The following ACR variants were observed in gnomAD, a reference collection of about 807,000 sequenced individuals.
The protein encoded by ACR is acrosin light and heavy chain prepropeptide.
Under a neutral mutation model 26.0 loss-of-function variants are expected in ACR, and 17 were observed. The ratio of observed to expected loss-of-function variants is 0.65; its 90% CI spans 0.45 to 0.98. The LOEUF (loss-of-function observed/expected upper bound fraction) is 0.98. ACR is among the 50% of genes least tolerant of loss of function. The pLI, the probability that ACR is intolerant of heterozygous loss-of-function variation, is 0.00. For missense variants in ACR, 435 were observed against 519.3 expected (o/e 0.84, Z 1.58); for synonymous variants, 199 against 207.7 (o/e 0.96, Z 0.36).
intron 3 of ACR, chr22:50,740,521 C>A: frequency 1.4e-6 from 1 of 692,678 alleles, no homozygotes. Flanking sequence ...ACCAAATCTA[C>A]CCTCTCCATC....
At chr22:50,744,031 A>G in intron 3 of ACR, 30 bp from the exon 4 acceptor site, 1 of 1,498,800 alleles carries the variant, frequency 6.7e-7, no homozygotes, top group Non-Finnish European at 9.3e-7. Context: ...GTCTCCCGTG[A>G]TCACTGACCA....
rs1422193254 is a variant in ACR, at chr22:50,745,105, A to G, written c.1164A>G (p.Leu388=). 9.3e-6 allele frequency: 7 copies of G among 756,742 alleles called. No individual in the cohort carries two copies. The South Asian group carries it at 1.1e-4, about 12-fold the overall frequency. The allele number at this position is 756,742 out of a possible 1,614,324, so 46.9% of individuals were successfully genotyped here. ...AAGGACTTTCTTTTGCCAAGCGCCTACAGCAGCTCATAGAGGTCTTGAAGG... is the reference window on the plus strand; with the variant it reads ...AAGGACTTTCTTTTGCCAAGCGCCTGCAGCAGCTCATAGAGGTCTTGAAGG... ...LPQGLSFAKR[L]QQLIEVLKGK... is the part of the protein sequence containing the mutation. Residue 388 remains leucine, a synonymous_variant, in exon 5 of 5, where the codon CTA becomes CTG. Transcript: ENST00000216139.
At chr22:50,738,762 G>C (rs1002439534) in intron 1 of ACR, among the ~76,000 whole-genome samples, 14 of 151,772 alleles carry the variant, frequency 9.2e-5, no homozygotes, top group Non-Finnish European at 1.5e-5. Context: ...ACAGTTCCCA[G>C]AGCCTCCACC....
At chr22:50,740,360 G>C (rs1392665100) in intron 3 of ACR, 2 of 580,694 alleles carry the variant, frequency 3.4e-6, no homozygotes, top group Non-Finnish European at 6.1e-6. Flanking sequence ...TCCACTCTCT[G>C]GGCCTTGGTT....
intron 3 of ACR, among the ~76,000 whole-genome samples, chr22:50,741,152 C>T (rs1474225907): frequency 1.3e-5 from 2 of 152,060 alleles, no homozygotes; most frequent in Admixed American, 6.5e-5. Context: ...TTTTGGGTAA[C>T]AACAACAAAA....
At position 50,739,912 on chromosome 22, in the gene ACR, A is replaced by G. The variant is rs1325052621; in HGVS notation, c.500A>G (p.Lys167Arg). 6.2e-7 allele frequency: 1 copy of G among 1,613,794 alleles called. No individual in the cohort carries two copies. Among genetic ancestry groups the G allele is most frequent in the Non-Finnish European group, 8.5e-7 (1 of 1,179,980 alleles). Reference protein sequence around the residue: ...FIGPGCLPHFKAGLPRGSQSC... With the variant: ...FIGPGCLPHFRAGLPRGSQSC... ...GGGCCGGGCTGCCTGCCCCACTTTAAGGCAGGCCTCCCCAGAGGCTCCCAG... is the reference window on the plus strand; with the variant it reads ...GGGCCGGGCTGCCTGCCCCACTTTAGGGCAGGCCTCCCCAGAGGCTCCCAG... Residue 167 changes from lysine (K) to arginine (R), a missense_variant, in exon 3 of 5, where the codon AAG becomes AGG. Lys to Arg is a conservative substitution (Grantham distance 26). Transcript: ENST00000216139. This position sits in a 1 kb window ranked among gnomAD's most constrained non-coding sequence, Gnocchi z 5.5.
rs1052218438 is a variant in ACR, at chr22:50,739,115, G to C, written c.78-156G>C. On this transcript the variant is annotated intron_variant, in intron 1 of 4. Coordinates refer to ENST00000216139, the MANE Select transcript of ACR (RefSeq NM_001097.3). The surrounding 1 kb of genome is among the most constrained non-coding windows in gnomAD (Gnocchi z 5.5). ...CCAGAACCATTTCCTAGAGCCTGCG[G>C]CTTCCTACATAGCGCAGGCTGCCCC... Among the ~76,000 whole-genome samples, 1 of 152,166 alleles carries C rather than the reference G, an allele frequency of 6.6e-6. No individual in the cohort carries two copies. The highest frequency in any genetic ancestry group is 1.5e-5 in the Non-Finnish European group (1 of 68,032).
rs769015823 is a variant in ACR, at chr22:50,739,397, C to A, written c.204C>A (p.His68Gln). The change falls in exon 2 of 5, where the codon CAC becomes CAA. Residue 68 changes from histidine to glutamine, a missense_variant. Coordinates refer to ENST00000216139, the MANE Select transcript of ACR (RefSeq NM_001097.3). This position sits in a 1 kb window ranked among gnomAD's most constrained non-coding sequence, Gnocchi z 5.5. The stretch of plus-strand genomic sequence containing the variant: ...TCCAGATCTTCACGTACAACAGCCA[C>A]AGGTACCACACATGTGGAGGCAGCT... ...VSLQIFTYNS[H>Q]RYHTCGGSLL... The A allele has an allele frequency of 6.2e-7, 1 of 1,614,210 alleles. No individual in the cohort carries two copies. Among genetic ancestry groups the A allele is most frequent in the Non-Finnish European group, 8.5e-7 (1 of 1,180,036 alleles).
chr22:50,744,897 C>T lies in ACR; in HGVS notation c.956C>T (p.Pro319Leu), dbSNP rs752661510. The T allele has an allele frequency of 5.6e-6, 9 of 1,595,108 alleles. No homozygotes were observed. The South Asian group carries it at 7.8e-5, about 14-fold the overall frequency. ...PPPIRPPFSH[P>L]ISAHLPWYFQ... ...CCGATTCGACCCCCCTTCTCCCACC[C>T]TATCTCTGCTCACCTTCCTTGGTAT... Residue 319 changes from proline to leucine, a missense_variant, in exon 5 of 5, where the codon CCT becomes CTT. Coordinates refer to ENST00000216139, the MANE Select transcript of ACR (RefSeq NM_001097.3).
Position 50,739,548 on chromosome 22 carries a change from G to A in ACR, c.281+74G>A, listed in dbSNP as rs2083414824. On this transcript the variant is annotated intron_variant, in intron 2 of 4. Transcript: ENST00000216139. This position sits in a 1 kb window ranked among gnomAD's most constrained non-coding sequence, Gnocchi z 5.5. ...GAGAGGGGCGTTCCCCGGGGATGCT[G>A]TGCAGCGTCTCCCTGGGGCTCTGGG... 3 of 1,592,032 alleles carry A rather than the reference G, an allele frequency of 1.9e-6. No individual in the cohort carries two copies. In the South Asian group the frequency reaches 3.4e-5, roughly 18 times the overall value.
chr22:50,739,145 T>G lies in ACR; in HGVS notation c.78-126T>G, dbSNP rs2083412165. 8.3e-6 allele frequency: 7 copies of G among 846,548 alleles called. No homozygotes were observed. The highest frequency in any genetic ancestry group is 1.1e-5 in the Non-Finnish European group (6 of 537,478). The allele number at this position is 846,548 out of a possible 1,614,324, so 52.4% of individuals were successfully genotyped here. A position where few individuals can be genotyped will look rare whatever the true frequency, so the allele number is the denominator to read the frequency against. Reference sequence around the variant, plus strand: ...CTACATAGCGCAGGCTGCCCCTGCTTTCCCAGAACCCGGAAGCTCTTCCCC... The same window carrying G: ...CTACATAGCGCAGGCTGCCCCTGCTGTCCCAGAACCCGGAAGCTCTTCCCC... On this transcript the variant is annotated intron_variant, in intron 1 of 4. Transcript: ENST00000216139. The surrounding 1 kb of genome is among the most constrained non-coding windows in gnomAD (Gnocchi z 5.5).
intron 3 of ACR, among the ~76,000 whole-genome samples, chr22:50,743,788 C>T (rs1257716752): frequency 6.6e-6 from 1 of 152,184 alleles, no homozygotes; most frequent in Non-Finnish European, 1.5e-5. Context: ...ATCGTTAATA[C>T]GCACACCCAC....
rs1487354166 is a variant in ACR at position 50,744,167 on chromosome 22, G to A, written c.672G>A (p.Val224=). 9 of 1,613,820 alleles carry A rather than the reference G, an allele frequency of 5.6e-6. No individual in the cohort carries two copies. Among genetic ancestry groups the A allele is most frequent in the Middle Eastern group, 3.3e-4 (2 of 6,056 alleles). The change falls in exon 4 of 5, where the codon GTG becomes GTA. Residue 224 remains valine, a synonymous_variant. Coordinates refer to ENST00000216139, the MANE Select transcript of ACR (RefSeq NM_001097.3). Reference sequence around the variant, plus strand: ...ATGGGCGCGTTCAGCCAACCAATGTGTGCGCGGGGTATCCTGTAGGCAAGA... The same window carrying A: ...ATGGGCGCGTTCAGCCAACCAATGTATGCGCGGGGTATCCTGTAGGCAAGA... The part of the protein sequence containing the change: ...WYNGRVQPTN[V]CAGYPVGKID...
intron 3 of ACR, 72 bp downstream of exon 3, chr22:50,740,049 CA>C (rs777783945): frequency 1.3e-6 from 2 of 1,582,626 alleles, no homozygotes; most frequent in Non-Finnish European, 1.7e-6. Flanking sequence ...GTGCAGCGGT[CA>C]CTTGTTGACA....
At position 50,744,384 on chromosome 22, in the gene ACR, C is replaced by T. The variant is rs1209500812; in HGVS notation, c.711+178C>T. ...CACCTACTCTCACAGTGGGGATGAG[C>T]GGTGACAGCCACCGGCTGCCCCTGC... On this transcript the variant is annotated intron_variant, in intron 4 of 4. Coordinates refer to ENST00000216139, the MANE Select transcript of ACR (RefSeq NM_001097.3). Among the ~76,000 whole-genome samples, 20 of 151,794 alleles carry T rather than the reference C, an allele frequency of 1.3e-4. No homozygotes were observed. The South Asian group carries it at 1.7e-3, about 13-fold the overall frequency.
At chr22:50,742,261 T>C (rs916074539) in intron 3 of ACR, among the ~76,000 whole-genome samples, 16 of 152,210 alleles carry the variant, frequency 1.1e-4, no homozygotes, top group African/African-American at 3.9e-4. Context: ...AAAAGTCATC[T>C]TGGCCGGGCG....
rs565135205 is a variant in ACR at position 50,743,097 on chromosome 22, G to A, written c.566-964G>A. On this transcript the variant is annotated intron_variant, in intron 3 of 4. Transcript: ENST00000216139. ...GTGGCCCGGGCTGGAGTGCAGTGGC[G>A]CCATCTCGGCTCACTGCAAGCTCCG... Among the ~76,000 whole-genome samples, 542 of 151,670 alleles carry A rather than the reference G, an allele frequency of 3.6e-3. 1 individual carries two copies. Among genetic ancestry groups the A allele is most frequent in the South Asian group, 0.017 (83 of 4,804 alleles).
chr22:50,744,111 C>G lies in ACR; in HGVS notation c.616C>G (p.Leu206Val). The stretch of plus-strand genomic sequence containing the variant: ...GGAGGCACGTGTGGATCTCATCGAC[C>G]TGGACTTGTGTAACTCGACCCAGTG... ...LMEARVDLID[L>V]DLCNSTQWYN... is the part of the protein sequence containing the mutation. Residue 206 changes from leucine to valine, a missense_variant, in exon 4 of 5, where the codon CTG (leucine) becomes GTG (valine). This residue lies in a region of ACR where 314 missense variants were observed against 372.0 expected (regional missense o/e 0.84). Coordinates refer to ENST00000216139, the MANE Select transcript of ACR (RefSeq NM_001097.3). The G allele has an allele frequency of 6.2e-7, 1 of 1,613,512 alleles. No homozygotes were observed. Among genetic ancestry groups the G allele is most frequent in the African/African-American group, 1.3e-5 (1 of 74,874 alleles).
At chr22:50,743,090 C>A (rs1417243526) in intron 3 of ACR, among the ~76,000 whole-genome samples, 1 of 151,738 alleles carries the variant, frequency 6.6e-6, no homozygotes, top group Non-Finnish European at 1.5e-5. Context: ...GGCTGGAGTG[C>A]AGTGGCGCCA....
Sources: gnomAD v4.1 joint callset for allele counts (sites outside exome capture counted in the v4.1 genomes callset) on GRCh38, gnomAD v4.1.1 for gene constraint, gnomAD v4.1.1 regional missense constraint, Gnocchi (gnomAD v3.1) non-coding constraint, MANE v1.5 for transcripts, NCBI Gene and HGNC (gene_info 2026-07-23, HGNC 2026-07-21) for gene names.